UEVLD: variants seen among roughly 807,000 people sequenced by gnomAD.
The protein encoded by UEVLD is ubiquitin-conjugating enzyme E2 variant 3.
Under a neutral mutation model 58.6 loss-of-function variants are expected in UEVLD, and 47 were observed. The observed-to-expected ratio is 0.80, with a 90% CI of 0.63 to 1.02. The LOEUF (loss-of-function observed/expected upper bound fraction) is 1.02, where lower values mean the gene tolerates loss of function less well. Among genes scored for constraint, UEVLD ranks in the 50% least tolerant of loss-of-function variants. The pLI is 0.00. For missense variants in UEVLD, 510 were observed against 550.6 expected (o/e 0.93, Z 0.74); for synonymous variants, 197 against 195.3 (o/e 1.01, Z -0.07).
chr11:18,574,715 G>C (rs1418185775), intron 3 of UEVLD, among the ~76,000 whole-genome samples: 1 of 152,092 alleles, frequency 6.6e-6, no homozygotes, highest in East Asian at 1.9e-4. Flanking sequence ...TCCTTTCTTT[G>C]AGCTTTAATG....
intron 1 of UEVLD, among the ~76,000 whole-genome samples, chr11:18,584,468 G>A (rs569260489): frequency 6.6e-6 from 1 of 152,208 alleles, no homozygotes; most frequent in African/African-American, 2.4e-5. Flanking sequence ...AGAACTGTCT[G>A]ACAAAGCTTT....
Position 18,566,973 on chromosome 11 carries a change from A to T in UEVLD, c.358-491T>A, listed in dbSNP as rs577855749. Among the ~76,000 whole-genome samples the T allele has an allele frequency of 8.5e-5, 13 of 152,324 alleles. No individual in the cohort carries two copies. In the South Asian group the frequency reaches 2.1e-3, roughly 24 times the overall value. ...TACAGAAAAGTTGCAAAAATAGTACATATACTCTTCACCTAGATTACTCAA... is the reference window on the plus strand; with the variant it reads ...TACAGAAAAGTTGCAAAAATAGTACTTATACTCTTCACCTAGATTACTCAA... On this transcript the variant is annotated intron_variant, in intron 4 of 11. Coordinates refer to ENST00000396197, the MANE Select transcript of UEVLD (RefSeq NM_001040697.4).
At chr11:18,575,663 C>T (rs944333498) in intron 2 of UEVLD, among the ~76,000 whole-genome samples, 1 of 152,142 alleles carries the variant, frequency 6.6e-6, no homozygotes, top group Non-Finnish European at 1.5e-5. Flanking sequence ...GTTCTAGGGC[C>T]ACCTTCCCCA....
At chr11:18,579,080 G>T (rs370549826) in intron 1 of UEVLD, among the ~76,000 whole-genome samples, 32 of 151,944 alleles carry the variant, frequency 2.1e-4, no homozygotes, top group Middle Eastern at 3.4e-3. Flanking sequence ...TGTTGGTCAG[G>T]CTGGTCTCGA....
intron 1 of UEVLD, among the ~76,000 whole-genome samples, chr11:18,580,658 A>G (rs1293251428): frequency 1.3e-5 from 2 of 151,632 alleles, no homozygotes; most frequent in Non-Finnish European, 2.9e-5. Flanking sequence ...AGAAAAAAAA[A>G]AAAAAGAAAA....
intron 1 of UEVLD, among the ~76,000 whole-genome samples, chr11:18,587,185 T>C (rs1394703230): frequency 6.6e-6 from 1 of 152,238 alleles, no homozygotes; most frequent in Non-Finnish European, 1.5e-5. Flanking sequence ...ACCAAAAATA[T>C]GCTCTATGTT....
intron 1 of UEVLD, chr11:18,579,355 G>T: frequency 1.5e-6 from 1 of 689,534 alleles, no homozygotes; most frequent in Non-Finnish European, 1.8e-6. Context: ...CATATAGCAA[G>T]TTAAATAGTG....
intron 1 of UEVLD, among the ~76,000 whole-genome samples, chr11:18,587,525 G>A (rs1367097937): frequency 6.6e-6 from 1 of 152,128 alleles, no homozygotes; most frequent in African/African-American, 2.4e-5. Flanking sequence ...ATTTAAGGCC[G>A]GGTGCGGTGG....
At chr11:18,543,412 ATGCCATAC>A (rs1299249263) in intron 9 of UEVLD, among the ~76,000 whole-genome samples, 1 of 152,196 alleles carries the variant, frequency 6.6e-6, no homozygotes, top group African/African-American at 2.4e-5. Flanking sequence ...TCCCATGAAC[ATGCCATAC>A]TTAACTTCGT....
At chr11:18,585,136 C>T (rs11024723) in intron 1 of UEVLD, among the ~76,000 whole-genome samples, 28,281 of 151,902 alleles carry the variant, frequency 0.19, 3,022 homozygotes, top group East Asian at 0.41. Flanking sequence ...ACAGATCTGC[C>T]TGTCTTGGCC....
intron 3 of UEVLD, among the ~76,000 whole-genome samples, chr11:18,572,127 T>G (rs1487395434): frequency 6.6e-6 from 1 of 152,014 alleles, no homozygotes; most frequent in Non-Finnish European, 1.5e-5. Context: ...TCCCAGCTCC[T>G]CAGGAGGCTG....
intron 9 of UEVLD, among the ~76,000 whole-genome samples, chr11:18,541,870 G>C (rs959776066): frequency 1.3e-5 from 2 of 152,188 alleles, no homozygotes; most frequent in African/African-American, 4.8e-5. Flanking sequence ...CAAGACCTGG[G>C]TGCTAGTCCT....
At chr11:18,560,055 AGACCAGCCTGG>A (rs1269706977) in intron 6 of UEVLD, among the ~76,000 whole-genome samples, 2 of 145,492 alleles carry the variant, frequency 1.4e-5, no homozygotes, top group Non-Finnish European at 3.0e-5. Context: ...CAGGAGTTTC[AGACCAGCCTGG>A]GCAACATGGC....
At chr11:18,574,762 G>A (rs188768030) in intron 3 of UEVLD, among the ~76,000 whole-genome samples, 2 of 152,292 alleles carry the variant, frequency 1.3e-5, no homozygotes, top group East Asian at 3.9e-4. Context: ...TGGAGTCTGA[G>A]TTTCAGGCTA....
chr11:18,563,270 T>C (rs1419588363), intron 6 of UEVLD, among the ~76,000 whole-genome samples: 3 of 152,156 alleles, frequency 2.0e-5, no homozygotes, highest in Non-Finnish European at 4.4e-5. Context: ...TCATGCCCTC[T>C]GACTCACTAG....
chr11:18,570,032 G>A (rs1284823287), intron 4 of UEVLD, 182 bp downstream of exon 4: 3 of 559,676 alleles, frequency 5.4e-6, no homozygotes, highest in Non-Finnish European at 8.5e-6. Flanking sequence ...ACAGGCAGTT[G>A]TCATCAGGGT....
chr11:18,536,542 G>C, intron 9 of UEVLD, 73 bp from the exon 10 acceptor site: 1 of 1,253,176 alleles, frequency 8.0e-7, no homozygotes, highest in South Asian at 1.2e-5. Context: ...CAGATCTTTT[G>C]GAGTCAAGGG....
chr11:18,554,509 G>T (rs1296023872), intron 7 of UEVLD, among the ~76,000 whole-genome samples: 1 of 149,480 alleles, frequency 6.7e-6, no homozygotes, highest in Non-Finnish European at 1.5e-5. Context: ...CGATCTTCCT[G>T]CCTCAGTCTC....
At chr11:18,536,989 G>A (rs530556929) in intron 9 of UEVLD, among the ~76,000 whole-genome samples, 26 of 146,246 alleles carry the variant, frequency 1.8e-4, no homozygotes, top group Non-Finnish European at 3.3e-4. Context: ...TCTGCCTCCC[G>A]GGTTCACGCA....
Sources: allele counts gnomAD v4.1 joint callset (sites outside exome capture counted in the v4.1 genomes callset), GRCh38; gene constraint gnomAD v4.1.1; transcripts MANE v1.5; gene names NCBI Gene and HGNC (gene_info 2026-07-23, HGNC 2026-07-21).